H1-8: variants seen among roughly 807,000 people sequenced by gnomAD.
H1-8 encodes H1.8 linker histone, also known as histone H1.8.
H1-8 carries 13 observed loss-of-function variants against 19.5 expected under a neutral mutation model. That is an observed-to-expected ratio of 0.67 (90% CI 0.43 to 1.06). The LOEUF (loss-of-function observed/expected upper bound fraction) is 1.06. Among genes scored for constraint, H1-8 ranks in the 50% least tolerant of loss-of-function variants. The pLI, the probability that H1-8 is intolerant of heterozygous loss-of-function variation, is 0.00. For synonymous variants in H1-8, 193 were observed against 187.6 expected, an observed-to-expected ratio of 1.03 and a Z score of -0.24; for missense variants, 432 against 459.8, an observed-to-expected ratio of 0.94 and a Z score of 0.55.
chr3:129,550,848 C>G (rs1355144239), intron 4 of H1-8, 39 bp downstream of exon 4: 1 of 1,551,678 alleles, frequency 6.4e-7, no homozygotes, highest in Non-Finnish European at 8.8e-7. Context: ...GGCTGCCTGC[C>G]CTGAACAGGC....
rs1365267092 is a variant in H1-8, at chr3:129,547,546, C to T, written c.244C>T (p.Leu82=). Residue 82 remains leucine, a synonymous_variant, in exon 2 of 5, where the codon CTG becomes TTG. Transcript: ENST00000324382. ...GGTGGCAGCTATCAAGCTCTACATCCTGCACAAGTACCCAACAGTGGACGT... is the reference window on the plus strand; with the variant it reads ...GGTGGCAGCTATCAAGCTCTACATCTTGCACAAGTACCCAACAGTGGACGT... The part of the protein sequence containing the change: ...TSVAAIKLYI[L]HKYPTVDVLR... 6.3e-7 allele frequency: 1 copy of T among 1,578,172 alleles called. No individual in the cohort carries two copies. Among genetic ancestry groups the T allele is most frequent in the Admixed American group, 1.8e-5 (1 of 55,528 alleles).
intron 1 of H1-8, among the ~76,000 whole-genome samples, chr3:129,545,977 T>C (rs2084883660): frequency 6.6e-6 from 1 of 152,066 alleles, no homozygotes; most frequent in Non-Finnish European, 1.5e-5. Context: ...GGTAACTTTT[T>C]ATTATGAAAA....
In H1-8 at chr3:129,547,402, G is replaced by A. The variant is rs571358488; in HGVS notation, c.100G>A (p.Gly34Ser). ...CCATCTCTCCTCAGGCCCGAGCCAC[G>A]GCGGTGTCCCACCAGGAGGCCCGAG... is the stretch of plus-strand genomic sequence containing the variant. ...PESEKPGPSH[G>S]GVPPGGPSHS... The change falls in exon 2 of 5, where the codon GGC becomes AGC. Residue 34 changes from glycine to serine, a missense_variant. Coordinates refer to ENST00000324382, the MANE Select transcript of H1-8 (RefSeq NM_153833.3). The A allele has an allele frequency of 1.5e-4, 220 of 1,504,902 alleles. No individual in the cohort carries two copies. In the South Asian group the frequency reaches 2.2e-3, roughly 15 times the overall value. 93.2% of individuals were successfully genotyped at this position (1,504,902 alleles called of 1,614,324 possible).
intron 2 of H1-8, 146 bp from the exon 3 acceptor site, chr3:129,548,855 A>G (rs2084909854): frequency 9.2e-7 from 1 of 1,088,250 alleles, no homozygotes; most frequent in Non-Finnish European, 1.3e-6. Context: ...CTCCAAGGAC[A>G]GTGGCTTCGT....
intron 1 of H1-8, among the ~76,000 whole-genome samples, chr3:129,543,902 G>A (rs1024062596): frequency 6.6e-6 from 1 of 152,202 alleles, no homozygotes; most frequent in Non-Finnish European, 1.5e-5. Flanking sequence ...ACTCTGGGAG[G>A]TCAGGGAAAG....
rs1439061322 is a variant in H1-8 at position 129,543,321 on chromosome 3, G to A, written c.88+15G>A. ...TGAAAAGCCAGGTGAGCAAGAGGAG[G>A]CAGCTCCTCCCTCATCCCTGCGAGC... On this transcript the variant is annotated intron_variant, in intron 1 of 4. Transcript: ENST00000324382. 2.5e-6 allele frequency: 4 copies of A among 1,591,212 alleles called. No individual in the cohort carries two copies. Among genetic ancestry groups the A allele is most frequent in the Admixed American group, 3.4e-5 (2 of 59,564 alleles).
chr3:129,547,379 A>G lies in H1-8; in HGVS notation c.89-12A>G. On this transcript the variant is annotated splice_polypyrimidine_tract_variant and intron_variant, in intron 1 of 4. Coordinates refer to ENST00000324382, the MANE Select transcript of H1-8 (RefSeq NM_153833.3). ...ACTGGGCCCCGGGTGATGGCCTGCCATCTCTCCTCAGGCCCGAGCCACGGC... is the reference window on the plus strand; with the variant it reads ...ACTGGGCCCCGGGTGATGGCCTGCCGTCTCTCCTCAGGCCCGAGCCACGGC... The G allele has an allele frequency of 6.8e-7, 1 of 1,477,662 alleles. No individual in the cohort carries two copies. The highest frequency in any genetic ancestry group is 8.9e-7 in the Non-Finnish European group (1 of 1,117,782). 91.5% of individuals were successfully genotyped at this position (1,477,662 alleles called of 1,614,324 possible).
In H1-8 at chr3:129,547,521, G is replaced by A. The variant is rs142231500; in HGVS notation, c.219G>A (p.Ser73=). The part of the protein sequence containing the change: ...LQAGEQRRGT[S]VAAIKLYILH... The stretch of plus-strand genomic sequence containing the variant: ...CTGGGGAGCAGCGCCGGGGCACGTC[G>A]GTGGCAGCTATCAAGCTCTACATCC... The change falls in exon 2 of 5, where the codon TCG becomes TCA. Residue 73 remains serine (S), a synonymous_variant. Coordinates refer to ENST00000324382, the MANE Select transcript of H1-8 (RefSeq NM_153833.3). The A allele has an allele frequency of 6.3e-5, 99 of 1,575,536 alleles. No homozygotes were observed. The African/African-American group carries it at 9.6e-4, about 15-fold the overall frequency.
chr3:129,549,712 G>C (rs767901767), intron 3 of H1-8, among the ~76,000 whole-genome samples: 88 of 152,026 alleles, frequency 5.8e-4, no homozygotes, highest in Non-Finnish European at 9.4e-4. Flanking sequence ...CTAACACTTT[G>C]GGAGGCCAAG....
At chr3:129,545,029 T>A (rs1388376377) in intron 1 of H1-8, among the ~76,000 whole-genome samples, 3 of 151,980 alleles carry the variant, frequency 2.0e-5, no homozygotes, top group African/African-American at 7.2e-5. Context: ...CATGGTTTTT[T>A]TTTTCTATTG....
intron 2 of H1-8, 103 bp downstream of exon 2, chr3:129,547,783 T>C (rs2625965): frequency 0.11 from 117,180 of 1,088,454 alleles, 6,967 homozygotes; most frequent in African/African-American, 0.16. Flanking sequence ...TCCGGTCCCC[T>C]GTCCTTGTTC....
chr3:129,549,649 G>T (rs1032484040), intron 3 of H1-8, among the ~76,000 whole-genome samples: 1 of 151,880 alleles, frequency 6.6e-6, no homozygotes. Flanking sequence ...AGGCCTGGAG[G>T]CATAAAGAAG....
chr3:129,551,126 C>A lies in H1-8; in HGVS notation c.827C>A (p.Ser276Tyr). The change falls in exon 5 of 5, where the codon TCC becomes TAC. Residue 276 changes from serine to tyrosine, a missense_variant. Coordinates refer to ENST00000324382, the MANE Select transcript of H1-8 (RefSeq NM_153833.3). ...GTATAGGTCAAGAATGGTGCTGCTT[C>A]CCCGACCAAAAAGAAGGTGGTGGCC... ...TASKVKNGAA[S>Y]PTKKKVVAKA... 1 of 1,613,868 alleles carries A rather than the reference C, an allele frequency of 6.2e-7. No individual in the cohort carries two copies. Among genetic ancestry groups the A allele is most frequent in the East Asian group, 2.2e-5 (1 of 44,882 alleles).
chr3:129,543,452 C>T, intron 1 of H1-8, 146 bp downstream of exon 1: 1 of 642,686 alleles, frequency 1.6e-6, no homozygotes. Flanking sequence ...AGCACTCACC[C>T]AGCACCCACC....
In H1-8 at chr3:129,551,078, C is replaced by T; in HGVS notation, c.808-29C>T. 6.3e-6 allele frequency: 10 copies of T among 1,592,154 alleles called. No homozygotes were observed. In the African/African-American group the frequency reaches 6.7e-5, roughly 11 times the overall value. ...TGGGATTTCAGCCCTTCCCAGCTGT[C>T]TCTTTGCTCCTGGTTTGCTTTCGTA... On this transcript the variant is annotated intron_variant, in intron 4 of 4. Transcript: ENST00000324382.
Position 129,550,431 on chromosome 3 carries a change from G to A in H1-8, c.743-314G>A, listed in dbSNP as rs375573494. On this transcript the variant is annotated intron_variant, in intron 3 of 4. Transcript: ENST00000324382. The stretch of plus-strand genomic sequence containing the variant: ...TAAAAAAAAGTATCCTGGCTGCCAG[G>A]TGGAAGACAAACTAAAGGCTCGAGC... Among the ~76,000 whole-genome samples, 167 of 152,204 alleles carry A rather than the reference G, an allele frequency of 1.1e-3. 1 individual carries two copies. Among genetic ancestry groups the A allele is most frequent in the Middle Eastern group, 3.4e-3 (1 of 292 alleles).
chr3:129,549,652 T>C (rs1207818037), intron 3 of H1-8, among the ~76,000 whole-genome samples: 1 of 151,610 alleles, frequency 6.6e-6, no homozygotes, highest in Non-Finnish European at 1.5e-5. Flanking sequence ...CCTGGAGGCA[T>C]AAAGAAGGTG....
chr3:129,548,220 G>C, intron 2 of H1-8: 1 of 532,322 alleles, frequency 1.9e-6, no homozygotes, highest in African/African-American at 2.1e-5. Flanking sequence ...TGGGTCCCCT[G>C]CATCTTGCCT....
intron 2 of H1-8, 144 bp downstream of exon 2, chr3:129,547,824 C>A: frequency 1.3e-6 from 1 of 762,710 alleles, no homozygotes. Context: ...ATGCCCTCTC[C>A]TCTAGGAAGG....
Sources: gnomAD v4.1 joint callset for allele counts (sites outside exome capture counted in the v4.1 genomes callset) on GRCh38, gnomAD v4.1.1 for gene constraint, MANE v1.5 for transcripts, NCBI Gene and HGNC (gene_info 2026-07-23, HGNC 2026-07-21) for gene names.